The following CSPG4 variants were observed in gnomAD, a reference collection of about 807,000 sequenced individuals.
The protein encoded by CSPG4 is chondroitin sulfate proteoglycan 4 (melanoma-associated).
CSPG4 carries 74 observed loss-of-function variants against 139.3 expected under a neutral mutation model. That is an observed-to-expected ratio of 0.53 (90% CI 0.44 to 0.64). The LOEUF (loss-of-function observed/expected upper bound fraction) is 0.64, where lower values mean the gene tolerates loss of function less well. Ranked by LOEUF, CSPG4 falls within the 30% of genes least tolerant of loss-of-function variation. The pLI is 0.00. For synonymous variants in CSPG4, 1,234 were observed against 1,394.2 expected (o/e 0.89, Z 2.56); for missense variants, 2,565 against 3,148.3 (o/e 0.81, Z 4.43).
Position 75,696,737 on chromosome 15 carries a change from C to T in CSPG4, c.89-3504G>A, listed in dbSNP as rs1894231582. ...CCACCCTTCCTCCCCATAAACAGGGCACTGCTGTCTGGGCCTGAGGGTGGG... is the reference window on the plus strand; with the variant it reads ...CCACCCTTCCTCCCCATAAACAGGGTACTGCTGTCTGGGCCTGAGGGTGGG... On this transcript the variant is annotated intron_variant, in intron 1 of 9. Transcript: ENST00000308508. This position sits in a 1 kb window ranked among gnomAD's most constrained non-coding sequence, Gnocchi z 4.2. 2.0e-5 allele frequency among the ~76,000 whole-genome samples: 3 copies of T among 152,128 alleles called. No individual in the cohort carries two copies. The highest frequency in any genetic ancestry group is 2.1e-4 in the South Asian group (1 of 4,832).
At chr15:75,712,888 G>C, upstream of CSPG4, 1 of 695,266 alleles carries the variant, frequency 1.4e-6, no homozygotes, top group African/African-American at 1.9e-5. Context: ...CTCCGGGGGC[G>C]GGGCAGGCGC....
upstream of CSPG4, among the ~76,000 whole-genome samples, chr15:75,713,404 A>G (rs1464036721): frequency 6.6e-6 from 1 of 152,122 alleles, no homozygotes; most frequent in Non-Finnish European, 1.5e-5. Flanking sequence ...TCTGTAAGGG[A>G]GAGATGTCTG....
At position 75,696,337 on chromosome 15, in the gene CSPG4, G is replaced by A. The variant is rs914313136; in HGVS notation, c.89-3104C>T. On this transcript the variant is annotated intron_variant, in intron 1 of 9. Coordinates refer to ENST00000308508, the MANE Select transcript of CSPG4 (RefSeq NM_001897.5). The surrounding 1 kb of genome is among the most constrained non-coding windows in gnomAD (Gnocchi z 4.2). ...AGGAGCAGGATGCCCCACAGGTCTG[G>A]GGGCCCGTGGGAGGGGCAGGAAGAG... Among the ~76,000 whole-genome samples the A allele has an allele frequency of 6.6e-6, 1 of 152,174 alleles. No individual in the cohort carries two copies. The highest frequency in any genetic ancestry group is 1.5e-5 in the Non-Finnish European group (1 of 68,010).
At chr15:75,703,396 T>C (rs951995248) in intron 1 of CSPG4, among the ~76,000 whole-genome samples, 5 of 151,712 alleles carry the variant, frequency 3.3e-5, no homozygotes, top group African/African-American at 1.2e-4. Context: ...GTGGCTTCCG[T>C]CCCATAGAGT....
chr15:75,704,687 A>G lies in CSPG4; in HGVS notation c.88+7981T>C, dbSNP rs544000630. Reference sequence around the variant, plus strand: ...CCAGTGTCCCTGCCCCGAGCTGTGCACCCCACTCTGCAGTCACCTCAGTCA... The same window carrying G: ...CCAGTGTCCCTGCCCCGAGCTGTGCGCCCCACTCTGCAGTCACCTCAGTCA... On this transcript the variant is annotated intron_variant, in intron 1 of 9. Coordinates refer to ENST00000308508, the MANE Select transcript of CSPG4 (RefSeq NM_001897.5). Among the ~76,000 whole-genome samples, 10 of 151,976 alleles carry G rather than the reference A, an allele frequency of 6.6e-5. No individual in the cohort carries two copies. The South Asian group carries it at 2.1e-3, about 32-fold the overall frequency.
At chr15:75,712,641 G>A (rs1333756971) in intron 1 of CSPG4, 27 bp downstream of exon 1, 1 of 1,546,832 alleles carries the variant, frequency 6.5e-7, no homozygotes, top group South Asian at 1.2e-5. Flanking sequence ...CGCCAGGCTG[G>A]GTCGGGGTCT....
At chr15:75,708,919 G>C (rs1264897224) in intron 1 of CSPG4, among the ~76,000 whole-genome samples, 1 of 152,206 alleles carries the variant, frequency 6.6e-6, no homozygotes, top group Non-Finnish European at 1.5e-5. Context: ...CTACTCAGGA[G>C]GCTGAGGTGG....
At position 75,712,808 on chromosome 15, in the gene CSPG4, T is replaced by C; in HGVS notation, c.-53A>G. 4 of 1,466,738 alleles carry C rather than the reference T, an allele frequency of 2.7e-6. No homozygotes were observed. Among genetic ancestry groups the C allele is most frequent in the Non-Finnish European group, 2.7e-6 (3 of 1,095,622 alleles). The allele number at this position is 1,466,738 out of a possible 1,614,324, so 90.9% of individuals were successfully genotyped here. A position where few individuals can be genotyped will look rare whatever the true frequency, so the allele number is the denominator to read the frequency against. ...GAGGAGCCAGCGGAGTCCTGGGAGC[T>C]GGGAGCTGAGTGGAGCGAGCGCGGC... On this transcript the variant is annotated 5_prime_UTR_variant, in exon 1 of 10. Coordinates refer to ENST00000308508, the MANE Select transcript of CSPG4 (RefSeq NM_001897.5).
Position 75,676,876 on chromosome 15 carries a change from G to A in CSPG4, c.5643C>T (p.Leu1881=), listed in dbSNP as rs761588421. ...EVQRAPHNGF[L]SLVGGGLGPV... Reference sequence around the variant, plus strand: ...GCCCCAGGCCACCACCCACCAGGCTGAGGAAGCCGTTGTGGGGTGCCCGCT... The same window carrying A: ...GCCCCAGGCCACCACCCACCAGGCTAAGGAAGCCGTTGTGGGGTGCCCGCT... Residue 1881 remains leucine (L), a synonymous_variant, in exon 10 of 10, where the codon CTC becomes CTT. Transcript: ENST00000308508. The A allele has an allele frequency of 2.5e-6, 4 of 1,591,780 alleles. No individual in the cohort carries two copies. The Admixed American group carries it at 5.1e-5, about 20-fold the overall frequency.
In CSPG4 at chr15:75,687,976, G is replaced by A; in HGVS notation, c.3089C>T (p.Ala1030Val). The stretch of plus-strand genomic sequence containing the variant: ...AGTCAGCAGCCGCCGCCCACCCCGG[G>A]CCACATGGAAGATCCGGCTGATGGT... ...VQTISRIFHV[A>V]RGGRRLLTTD... Residue 1030 changes from alanine (A) to valine (V), a missense_variant, in exon 3 of 10, where the codon GCC becomes GTC. Coordinates refer to ENST00000308508, the MANE Select transcript of CSPG4 (RefSeq NM_001897.5). The surrounding 1 kb of genome is among the most constrained non-coding windows in gnomAD (Gnocchi z 5.4). The A allele has an allele frequency of 1.2e-6, 2 of 1,612,672 alleles. No homozygotes were observed. The highest frequency in any genetic ancestry group is 2.2e-5 in the South Asian group (2 of 91,052).
rs1337882810 is a variant in CSPG4, at chr15:75,685,360, A to G, written c.4131T>C (p.Pro1377=). Residue 1377 remains proline, a synonymous_variant, in exon 4 of 10, where the codon CCT becomes CCC. Coordinates refer to ENST00000308508, the MANE Select transcript of CSPG4 (RefSeq NM_001897.5). ...AGGGCCCGGAGACACGGAGCAGTGG[A>G]GGGGCCAGGGTGAGGCTGCCACCCT... is the stretch of plus-strand genomic sequence containing the variant. The part of the protein sequence containing the change: ...VPEGGSLTLA[P]PLLRVSGPYF... The G allele has an allele frequency of 6.2e-7, 1 of 1,610,058 alleles. No homozygotes were observed. Among genetic ancestry groups the G allele is most frequent in the East Asian group, 2.2e-5 (1 of 44,842 alleles).
intron 1 of CSPG4, among the ~76,000 whole-genome samples, chr15:75,693,620 C>T (rs1392107214): frequency 1.3e-5 from 2 of 152,242 alleles, no homozygotes. Context: ...CCGCAACTGG[C>T]CTGACCATCT....
chr15:75,694,493 G>A (rs1312334155), intron 1 of CSPG4, among the ~76,000 whole-genome samples: 1 of 152,242 alleles, frequency 6.6e-6, no homozygotes, highest in Non-Finnish European at 1.5e-5. Context: ...ACAGGCTGAC[G>A]GCCTTGATAG....
chr15:75,675,510 C>T lies in CSPG4; in HGVS notation c.*40G>A, dbSNP rs766716388. The T allele has an allele frequency of 1.4e-6, 2 of 1,442,560 alleles. No individual in the cohort carries two copies. The highest frequency in any genetic ancestry group is 1.4e-5 in the African/African-American group (1 of 70,034). The allele number at this position is 1,442,560 out of a possible 1,614,324, so 89.4% of individuals were successfully genotyped here. On this transcript the variant is annotated 3_prime_UTR_variant, in exon 10 of 10. Coordinates refer to ENST00000308508, the MANE Select transcript of CSPG4 (RefSeq NM_001897.5). ...AATGGGGCCCGGGACATGGGCAAGC[C>T]TGTCCCTGGCCCGATCAGCATCTGG...
chr15:75,709,570 C>T (rs955565366), intron 1 of CSPG4, among the ~76,000 whole-genome samples: 11 of 152,214 alleles, frequency 7.2e-5, no homozygotes, highest in African/African-American at 2.2e-4. Flanking sequence ...GTAGCCACCT[C>T]GTCCAGGTCT....
chr15:75,688,971 G>A lies in CSPG4; in HGVS notation c.2094C>T (p.Ser698=), dbSNP rs200145847. 1.3e-4 allele frequency: 203 copies of A among 1,612,468 alleles called. No homozygotes were observed. The highest frequency in any genetic ancestry group is 6.9e-4 in the Middle Eastern group (4 of 5,778). The change falls in exon 3 of 10, where the codon AGC becomes AGT. Residue 698 remains serine, a synonymous_variant. Coordinates refer to ENST00000308508, the MANE Select transcript of CSPG4 (RefSeq NM_001897.5). ...GGGCCCCAGTGACGCGGAACAGCAC[G>A]CTCACATCCTGCCCCACGGCATTGG... The part of the protein sequence containing the change: ...VETNAVGQDV[S]VLFRVTGALQ...
intron 5 of CSPG4, 95 bp downstream of exon 5, chr15:75,684,639 CTG>C (rs1894026196): frequency 8.5e-7 from 1 of 1,176,722 alleles, no homozygotes; most frequent in Non-Finnish European, 1.2e-6. Context: ...GAGGAGGAAA[CTG>C]AGGATCAGAG....
chr15:75,706,110 CG>C (rs1894367857), intron 1 of CSPG4, among the ~76,000 whole-genome samples: 1 of 152,110 alleles, frequency 6.6e-6, no homozygotes, highest in East Asian at 1.9e-4. Flanking sequence ...CAGGGAGAAG[CG>C]GGTGTCGTGG....
intron 8 of CSPG4, chr15:75,678,518 A>AT (rs747139987): frequency 7.2e-4 from 273 of 378,014 alleles, no homozygotes; most frequent in East Asian, 9.2e-4. Context: ...ACACCCAGCT[A>AT]TTTTTTTTTA....
Sources: gnomAD v4.1 joint callset for allele counts (sites outside exome capture counted in the v4.1 genomes callset) on GRCh38, gnomAD v4.1.1 for gene constraint, Gnocchi (gnomAD v3.1) non-coding constraint, MANE v1.5 for transcripts, NCBI Gene and HGNC (gene_info 2026-07-23, HGNC 2026-07-21) for gene names.